ASB5: variants seen among roughly 807,000 people sequenced by gnomAD.
ASB5 encodes the protein ankyrin repeat and SOCS box containing 5, also known as ankyrin repeat and SOCS box protein 5.
A neutral mutation model predicts 42.1 loss-of-function variants in ASB5; 45 were observed. The observed-to-expected ratio is 1.07, with a 90% confidence interval of 0.84 to 1.37. The LOEUF (loss-of-function observed/expected upper bound fraction) is 1.37. Among genes scored for constraint, ASB5 ranks in the 40% most tolerant of loss-of-function variants. The probability of loss-of-function intolerance (pLI) is 0.00; values close to 1 mark genes in which losing one functional copy is unlikely to be tolerated. For synonymous variants in ASB5, 147 were observed against 150.6 expected, an observed-to-expected ratio of 0.98 and a Z score of 0.18; for missense variants, 402 against 399.8, an observed-to-expected ratio of 1.01 and a Z score of -0.05.
intron 1 of ASB5, 82 bp downstream of exon 1, chr4:176,268,831 A>T: frequency 8.7e-7 from 1 of 1,154,080 alleles, no homozygotes; most frequent in Non-Finnish European, 1.2e-6. Context: ...ACCTTGAAGC[A>T]GTCTAAAAAG....
rs190095720 is a variant in ASB5, at chr4:176,248,959, T to G, written c.196+19954A>C. Among the ~76,000 whole-genome samples, 245 of 152,234 alleles carry G rather than the reference T, an allele frequency of 1.6e-3. 2 individuals carry two copies. Among genetic ancestry groups the G allele is most frequent in the South Asian group, 6.0e-3 (29 of 4,806 alleles). ...TGAATGGTTGTTATACAGGTTTACA[T>G]TTTGTTTGTTTTGTTTTGCTTTTTT... On this transcript the variant is annotated intron_variant, in intron 1 of 6. Transcript: ENST00000296525.
At chr4:176,268,813 A>C in intron 1 of ASB5, 100 bp downstream of exon 1, 1 of 1,053,860 alleles carries the variant, frequency 9.5e-7, no homozygotes, top group Non-Finnish European at 1.3e-6. Context: ...AAAGTTTATA[A>C]AATATTTACC....
At chr4:176,239,634 G>A (rs1034627412) in intron 1 of ASB5, among the ~76,000 whole-genome samples, 17 of 152,134 alleles carry the variant, frequency 1.1e-4, no homozygotes, top group South Asian at 8.3e-4. Flanking sequence ...CTCTTAAGCC[G>A]TGGGCACTAA....
intron 1 of ASB5, among the ~76,000 whole-genome samples, chr4:176,256,600 CTTTT>C (rs1430384519): frequency 6.6e-6 from 1 of 152,082 alleles, no homozygotes; most frequent in Non-Finnish European, 1.5e-5. Flanking sequence ...GTTTGTTTTT[CTTTT>C]TTCTCATAAG....
At chr4:176,225,475 A>G in intron 1 of ASB5, 134 bp from the exon 2 acceptor site, 1 of 720,712 alleles carries the variant, frequency 1.4e-6, no homozygotes, top group South Asian at 2.0e-5. Context: ...CCAGATACTT[A>G]TACTGTACAT....
chr4:176,247,990 C>CA (rs1753945040), intron 1 of ASB5, among the ~76,000 whole-genome samples: 1 of 151,972 alleles, frequency 6.6e-6, no homozygotes, highest in Admixed American at 6.6e-5. Flanking sequence ...GAATAGAAGG[C>CA]AAAATATTTG....
At chr4:176,239,547 TCC>T (rs1301177432) in intron 1 of ASB5, among the ~76,000 whole-genome samples, 1 of 152,178 alleles carries the variant, frequency 6.6e-6, no homozygotes, top group East Asian at 1.9e-4. Flanking sequence ...TCTCTGTGTC[TCC>T]CCCACTTAGT....
chr4:176,256,909 G>C (rs1241605290), intron 1 of ASB5, among the ~76,000 whole-genome samples: 2 of 151,714 alleles, frequency 1.3e-5, no homozygotes, highest in Non-Finnish European at 2.9e-5. Flanking sequence ...TGCACTCCAA[G>C]AAAAAAAGAA....
chr4:176,240,332 G>A (rs937746284), intron 1 of ASB5, among the ~76,000 whole-genome samples: 10 of 152,142 alleles, frequency 6.6e-5, no homozygotes, highest in Admixed American at 3.9e-4. Flanking sequence ...AACCTTATAG[G>A]ATATGAAACA....
intron 1 of ASB5, chr4:176,277,201 C>A (rs1754577047): frequency 6.6e-6 from 1 of 152,198 alleles, no homozygotes; most frequent in South Asian, 2.1e-4. Context: ...AAACCTGCCC[C>A]AGAGTAATTT....
At chr4:176,226,947 T>G (rs1561254949) in intron 1 of ASB5, among the ~76,000 whole-genome samples, 1 of 152,232 alleles carries the variant, frequency 6.6e-6, no homozygotes, top group Non-Finnish European at 1.5e-5. Context: ...AGTGTCCTAG[T>G]GCTTAAGCAT....
rs143661557 is a variant in ASB5, at chr4:176,234,198, A to G, written c.197-8857T>C. 3.4e-4 allele frequency among the ~76,000 whole-genome samples: 52 copies of G among 152,300 alleles called. No homozygotes were observed. In the East Asian group the frequency reaches 8.9e-3, roughly 26 times the overall value. On this transcript the variant is annotated intron_variant, in intron 1 of 6. Coordinates refer to ENST00000296525, the MANE Select transcript of ASB5 (RefSeq NM_080874.4). ...AGCAATCCTTTGGAAGTTAGAAAGA[A>G]TCCCATGGCTTCCCTTCACACCTGG... is the stretch of plus-strand genomic sequence containing the variant.
At chr4:176,264,041 C>CAA (rs5864369) in intron 1 of ASB5, among the ~76,000 whole-genome samples, 13 of 132,684 alleles carry the variant, frequency 9.8e-5, no homozygotes, top group Non-Finnish European at 1.3e-4. Flanking sequence ...ACAGACTTGA[C>CAA]AAAAAAAAAA....
chr4:176,232,109 T>TTATATA (rs993670414), intron 1 of ASB5, among the ~76,000 whole-genome samples: 2 of 140,790 alleles, frequency 1.4e-5, no homozygotes, highest in Admixed American at 7.3e-5. Context: ...CTTACCTATT[T>TTATATA]TATATATATA....
At chr4:176,256,518 G>C (rs764412038) in intron 1 of ASB5, among the ~76,000 whole-genome samples, 7 of 152,122 alleles carry the variant, frequency 4.6e-5, no homozygotes, top group Non-Finnish European at 1.0e-4. Context: ...ATTCAAGTTT[G>C]AGGTCTTTCA....
rs1368464156 is a variant in ASB5 at position 176,262,496 on chromosome 4, T to C, written c.196+6417A>G. ...TTAGTTGTGTGAGAGAATGTGTGTATTGTTAGTATGGCTTCTGTGTAACTG... is the reference window on the plus strand; with the variant it reads ...TTAGTTGTGTGAGAGAATGTGTGTACTGTTAGTATGGCTTCTGTGTAACTG... On this transcript the variant is annotated intron_variant, in intron 1 of 6. Coordinates refer to ENST00000296525, the MANE Select transcript of ASB5 (RefSeq NM_080874.4). Among the ~76,000 whole-genome samples the C allele has an allele frequency of 2.6e-5, 4 of 152,212 alleles. No individual in the cohort carries two copies. In the East Asian group the frequency reaches 7.7e-4, roughly 29 times the overall value.
At chr4:176,248,944 T>C (rs1315388753) in intron 1 of ASB5, among the ~76,000 whole-genome samples, 1 of 152,156 alleles carries the variant, frequency 6.6e-6, no homozygotes, top group Non-Finnish European at 1.5e-5. Flanking sequence ...TGAATGGTTG[T>C]TATACAGGTT....
intron 5 of ASB5, among the ~76,000 whole-genome samples, chr4:176,219,254 G>A (rs1418728152): frequency 9.2e-6 from 1 of 109,014 alleles, no homozygotes; most frequent in East Asian, 2.6e-4. Context: ...ATATATGTAT[G>A]ATATATAAAT....
chr4:176,224,714 AT>A (rs369381834), intron 2 of ASB5, among the ~76,000 whole-genome samples: 442 of 147,368 alleles, frequency 3.0e-3, no homozygotes, highest in African/African-American at 0.01. Context: ...AAAAAAAAAA[AT>A]ACCCAAGCCA....
Sources: allele counts gnomAD v4.1 joint callset (sites outside exome capture counted in the v4.1 genomes callset), GRCh38; gene constraint gnomAD v4.1.1; transcripts MANE v1.5; gene names NCBI Gene and HGNC (gene_info 2026-07-23, HGNC 2026-07-21).